FRYL: variants seen among roughly 807,000 people sequenced by gnomAD.
The protein encoded by FRYL is FRY like transcription coactivator.
A neutral mutation model predicts 351.2 loss-of-function variants in FRYL; 150 were observed. The observed-to-expected ratio is 0.43, with a 90% CI of 0.37 to 0.49. FRYL has a LOEUF of 0.49. Ranked by LOEUF, FRYL falls within the 20% of genes least tolerant of loss-of-function variation. The pLI is 0.00. For synonymous variants in FRYL, 1,153 were observed against 1,257.1 expected, an observed-to-expected ratio of 0.92 and a Z score of 1.75; for missense variants, 3,036 against 3,619.3, an observed-to-expected ratio of 0.84 and a Z score of 4.13.
chr4:48,547,009 GAA>G (rs796763379), intron 41 of FRYL, among the ~76,000 whole-genome samples: 4 of 151,352 alleles, frequency 2.6e-5, no homozygotes, highest in African/African-American at 9.7e-5. Flanking sequence ...TTGCAATTTT[GAA>G]AAAAAAGTTT....
chr4:48,598,052 T>C (rs1205682344), intron 13 of FRYL, among the ~76,000 whole-genome samples: 2 of 152,228 alleles, frequency 1.3e-5, no homozygotes, highest in African/African-American at 4.8e-5. Context: ...ATCATTTTAA[T>C]GTTTCTTCTC....
chr4:48,544,759 A>G, intron 43 of FRYL, 24 bp downstream of exon 43: 1 of 1,554,910 alleles, frequency 6.4e-7, no homozygotes, highest in Non-Finnish European at 8.6e-7. Flanking sequence ...TGTCACTAAA[A>G]CTAAAATATT....
chr4:48,515,658 C>T (rs1029587564), intron 55 of FRYL, among the ~76,000 whole-genome samples: 4 of 152,150 alleles, frequency 2.6e-5, no homozygotes, highest in Non-Finnish European at 4.4e-5. Flanking sequence ...AGGTGTGAGA[C>T]ACTGCACCCG....
At chr4:48,656,031 G>A (rs1234768025) in intron 3 of FRYL, among the ~76,000 whole-genome samples, 2 of 134,218 alleles carry the variant, frequency 1.5e-5, no homozygotes, top group Admixed American at 1.5e-4. Context: ...AAAATATAAT[G>A]TATGTATAAT....
intron 44 of FRYL, among the ~76,000 whole-genome samples, chr4:48,543,564 G>A (rs1220669649): frequency 6.6e-6 from 1 of 152,068 alleles, no homozygotes; most frequent in African/African-American, 2.4e-5. Context: ...TGGGGGTGGG[G>A]TGTTGTGTGA....
intron 1 of FRYL, among the ~76,000 whole-genome samples, chr4:48,729,169 C>T (rs1240400213): frequency 6.6e-6 from 1 of 152,248 alleles, no homozygotes; most frequent in Non-Finnish European, 1.5e-5. Context: ...TGCTGAGGTG[C>T]ATCTGCCACT....
At chr4:48,715,578 A>T (rs2149599849) in intron 1 of FRYL, among the ~76,000 whole-genome samples, 1 of 151,776 alleles carries the variant, frequency 6.6e-6, no homozygotes, top group South Asian at 2.1e-4. Flanking sequence ...GATGTGAAGG[A>T]CCTCTTCAAG....
At chr4:48,523,863 T>G (rs568556686) in intron 53 of FRYL, among the ~76,000 whole-genome samples, 45 of 152,368 alleles carry the variant, frequency 3.0e-4, no homozygotes, top group South Asian at 1.4e-3. Flanking sequence ...GTTGGTAGGA[T>G]AGCTCTGGCT....
rs904806706 is a variant in FRYL at position 48,688,509 on chromosome 4, T to A, written c.-203-3714A>T. Among the ~76,000 whole-genome samples the A allele has an allele frequency of 2.6e-5, 4 of 152,324 alleles. No individual in the cohort carries two copies. In the East Asian group the frequency reaches 5.8e-4, roughly 22 times the overall value. On this transcript the variant is annotated intron_variant, in intron 2 of 63. Coordinates refer to ENST00000358350, the MANE Select transcript of FRYL (RefSeq NM_015030.2). ...TTAAAAAAATATTTATGGTCATCCC[T>A]TTAATTACCAAAGAAAATTCATGAT...
chr4:48,557,253 AT>A (rs1734325154), intron 34 of FRYL, 135 bp from the exon 35 acceptor site: 2 of 1,234,552 alleles, frequency 1.6e-6, no homozygotes, highest in African/African-American at 3.1e-5. Context: ...AGAAACAATA[AT>A]TTCTTCCAAC....
intron 2 of FRYL, among the ~76,000 whole-genome samples, chr4:48,698,581 T>C (rs142839877): frequency 6.6e-6 from 1 of 152,324 alleles, no homozygotes; most frequent in Non-Finnish European, 1.5e-5. Flanking sequence ...TTCCTCTCGC[T>C]CTAGAAATGT....
intron 45 of FRYL, among the ~76,000 whole-genome samples, 173 bp from the exon 46 acceptor site, chr4:48,541,133 A>G (rs927726103): frequency 2.6e-5 from 4 of 152,230 alleles, no homozygotes; most frequent in African/African-American, 4.8e-5. Flanking sequence ...AAGAAAATGT[A>G]CAACAGTATC....
At chr4:48,767,691 C>T (rs548981904) in intron 1 of FRYL, among the ~76,000 whole-genome samples, 22 of 152,248 alleles carry the variant, frequency 1.4e-4, no homozygotes, top group African/African-American at 4.6e-4. Flanking sequence ...ATTGGTGAAA[C>T]GGTACAAACT....
chr4:48,700,593 G>A (rs1338195641), intron 2 of FRYL, among the ~76,000 whole-genome samples: 1 of 151,900 alleles, frequency 6.6e-6, no homozygotes, highest in Non-Finnish European at 1.5e-5. Flanking sequence ...CTTGAGCCCA[G>A]GAGTTCAAGA....
chr4:48,508,659 G>A (rs1721818196), intron 59 of FRYL, among the ~76,000 whole-genome samples: 1 of 152,140 alleles, frequency 6.6e-6, no homozygotes, highest in South Asian at 2.1e-4. Flanking sequence ...GACTGGGGAA[G>A]CGGCAGGGTT....
At chr4:48,546,391 G>C (rs1478591307) in intron 41 of FRYL, 120 bp from the exon 42 acceptor site, 1 of 736,602 alleles carries the variant, frequency 1.4e-6, no homozygotes. Context: ...GTCAGTGCAA[G>C]GTGATGTGAA....
chr4:48,500,569 T>C (rs1719336112), intron 62 of FRYL, among the ~76,000 whole-genome samples: 1 of 152,188 alleles, frequency 6.6e-6, no homozygotes, highest in South Asian at 2.1e-4. Flanking sequence ...TTTTAAAAGA[T>C]TATTTACCCC....
At chr4:48,763,104 T>C (rs1774574536) in intron 1 of FRYL, among the ~76,000 whole-genome samples, 1 of 56,302 alleles carries the variant, frequency 1.8e-5, no homozygotes, top group Non-Finnish European at 3.4e-5. Flanking sequence ...TGTACAGATC[T>C]GTAAAAAAAA....
At chr4:48,502,716 T>C in intron 61 of FRYL, 112 bp downstream of exon 61, 1 of 780,560 alleles carries the variant, frequency 1.3e-6, no homozygotes, top group South Asian at 1.7e-5. Context: ...ACATACTACT[T>C]GTAAAGTAGT....
Sources: gnomAD v4.1 joint callset for allele counts (sites outside exome capture counted in the v4.1 genomes callset) on GRCh38, gnomAD v4.1.1 for gene constraint, MANE v1.5 for transcripts, NCBI Gene and HGNC (gene_info 2026-07-23, HGNC 2026-07-21) for gene names.